Variants in ADAMTS6 observed in about 807,000 individuals in gnomAD.
ADAMTS6 encodes the protein ADAM metallopeptidase with thrombospondin type 1 motif 6.
A neutral mutation model predicts 144.3 loss-of-function variants in ADAMTS6; 23 were observed. That is an observed-to-expected ratio of 0.16 (90% CI 0.11 to 0.23). ADAMTS6 has a LOEUF of 0.23. ADAMTS6 is among the 10% of genes least tolerant of loss of function. The pLI, the probability that ADAMTS6 is intolerant of heterozygous loss-of-function variation, is 1.00. For missense variants in ADAMTS6, 999 were observed against 1,379.6 expected (o/e 0.72, Z 4.37); for synonymous variants, 444 against 457.5 (o/e 0.97, Z 0.38).
chr5:65,224,257 A>T, intron 18 of ADAMTS6, 63 bp downstream of exon 18: 1 of 1,343,786 alleles, frequency 7.4e-7, no homozygotes, highest in Non-Finnish European at 1.1e-6. Context: ...CCTTCATGAT[A>T]CTGTGCTACT....
chr5:65,246,456 G>C (rs540308246), intron 14 of ADAMTS6, among the ~76,000 whole-genome samples: 2 of 152,260 alleles, frequency 1.3e-5, no homozygotes, highest in East Asian at 3.9e-4. Context: ...TTCTGCTTTC[G>C]TGGAGTTTAC....
chr5:65,372,878 G>A lies in ADAMTS6; in HGVS notation c.1074-38793C>T, dbSNP rs951060790. Reference sequence around the variant, plus strand: ...GGAAGTAAAGCTCTCCTCAGCAAATGTAAAAGAACAGAAATTATAACAAAC... The same window carrying A: ...GGAAGTAAAGCTCTCCTCAGCAAATATAAAAGAACAGAAATTATAACAAAC... On this transcript the variant is annotated intron_variant, in intron 7 of 24. Transcript: ENST00000381055. 6.9e-4 allele frequency among the ~76,000 whole-genome samples: 105 copies of A among 152,044 alleles called. 1 individual carries two copies. Among genetic ancestry groups the A allele is most frequent in the Admixed American group, 3.1e-3 (47 of 15,264 alleles).
At chr5:65,454,753 A>G (rs1205248125) in intron 4 of ADAMTS6, among the ~76,000 whole-genome samples, 1 of 152,172 alleles carries the variant, frequency 6.6e-6, no homozygotes, top group Non-Finnish European at 1.5e-5. Context: ...ATCTGAAGAC[A>G]ATCATCCAAA....
intron 9 of ADAMTS6, among the ~76,000 whole-genome samples, chr5:65,314,233 T>G (rs1360770649): frequency 6.6e-6 from 1 of 152,114 alleles, no homozygotes; most frequent in African/African-American, 2.4e-5. Context: ...CTGAACATGC[T>G]AAGGACTGAA....
chr5:65,229,854 T>C (rs1758011158), intron 15 of ADAMTS6, among the ~76,000 whole-genome samples: 1 of 152,030 alleles, frequency 6.6e-6, no homozygotes, highest in African/African-American at 2.4e-5. Context: ...AAAGAAATAA[T>C]GGCTGAAAAA....
intron 9 of ADAMTS6, among the ~76,000 whole-genome samples, chr5:65,309,974 C>T (rs1744329981): frequency 6.6e-6 from 1 of 151,928 alleles, no homozygotes; most frequent in South Asian, 2.1e-4. Context: ...AAATTGTAAT[C>T]CCCAGTGTTG....
At chr5:65,434,410 T>C (rs948178402) in intron 7 of ADAMTS6, among the ~76,000 whole-genome samples, 6 of 152,208 alleles carry the variant, frequency 3.9e-5, no homozygotes, top group Admixed American at 1.3e-4. Context: ...CTGTGAATTA[T>C]ACAATTCACT....
intron 3 of ADAMTS6, among the ~76,000 whole-genome samples, chr5:65,469,846 GT>G (rs1374319045): frequency 2.0e-5 from 3 of 152,096 alleles, no homozygotes; most frequent in African/African-American, 7.2e-5. Flanking sequence ...AAAAGAAAAA[GT>G]TTCTGAAAAT....
intron 7 of ADAMTS6, among the ~76,000 whole-genome samples, chr5:65,435,486 T>C (rs1757317330): frequency 6.6e-6 from 1 of 152,180 alleles, no homozygotes. Flanking sequence ...TACTTAATAA[T>C]ACTATAAGAA....
At chr5:65,186,346 T>C (rs1332920660) in intron 22 of ADAMTS6, among the ~76,000 whole-genome samples, 1 of 152,226 alleles carries the variant, frequency 6.6e-6, no homozygotes, top group African/African-American at 2.4e-5. Flanking sequence ...CACTGCCTTA[T>C]ATGTATTATT....
chr5:65,248,845 AAAAT>A (rs1485328989), intron 14 of ADAMTS6, among the ~76,000 whole-genome samples: 5 of 152,180 alleles, frequency 3.3e-5, no homozygotes, highest in Non-Finnish European at 5.9e-5. Flanking sequence ...TTTAAAGCAC[AAAAT>A]AAACAAACAA....
At chr5:65,316,827 A>G (rs1335146011) in intron 9 of ADAMTS6, among the ~76,000 whole-genome samples, 1 of 151,582 alleles carries the variant, frequency 6.6e-6, no homozygotes, top group Non-Finnish European at 1.5e-5. Context: ...TTTGAGACGG[A>G]GTCTTGCTCT....
chr5:65,284,870 G>A (rs1346877204), intron 11 of ADAMTS6, among the ~76,000 whole-genome samples: 2 of 151,934 alleles, frequency 1.3e-5, no homozygotes, highest in Admixed American at 1.3e-4. Flanking sequence ...CAAAATTATG[G>A]AGCCCACACA....
chr5:65,373,012 G>C (rs899338992), intron 7 of ADAMTS6, among the ~76,000 whole-genome samples: 1 of 152,202 alleles, frequency 6.6e-6, no homozygotes, highest in Non-Finnish European at 1.5e-5. Context: ...TGACTACTGG[G>C]TACGTAACAA....
At chr5:65,409,671 A>G (rs1303462438) in intron 7 of ADAMTS6, among the ~76,000 whole-genome samples, 1 of 152,226 alleles carries the variant, frequency 6.6e-6, no homozygotes, top group African/African-American at 2.4e-5. Context: ...TCCTGATACC[A>G]AAGCCTAGCA....
At chr5:65,356,456 T>A (rs1189545901) in intron 7 of ADAMTS6, among the ~76,000 whole-genome samples, 1 of 151,826 alleles carries the variant, frequency 6.6e-6, no homozygotes, top group Non-Finnish European at 1.5e-5. Context: ...ATTCTTTCCC[T>A]CTTGTTTATC....
chr5:65,436,906 C>T (rs189559776), intron 7 of ADAMTS6, among the ~76,000 whole-genome samples: 25 of 151,516 alleles, frequency 1.6e-4, no homozygotes, highest in Admixed American at 9.2e-4. Context: ...TCTTTATTAA[C>T]GAGGTGTATT....
intron 3 of ADAMTS6, among the ~76,000 whole-genome samples, chr5:65,462,808 G>A (rs1294597250): frequency 8.5e-5 from 13 of 152,116 alleles, no homozygotes; most frequent in African/African-American, 3.1e-4. Flanking sequence ...TTAGGTTGGC[G>A]TGGTGGGTCA....
At chr5:65,361,554 A>T (rs139621370) in intron 7 of ADAMTS6, among the ~76,000 whole-genome samples, 2 of 152,270 alleles carry the variant, frequency 1.3e-5, no homozygotes, top group African/African-American at 4.8e-5. Context: ...GATGTGGAAA[A>T]AAAGTCCATG....
Sources: gnomAD v4.1 joint callset for allele counts (sites outside exome capture counted in the v4.1 genomes callset) on GRCh38, gnomAD v4.1.1 for gene constraint, MANE v1.5 for transcripts, NCBI Gene and HGNC (gene_info 2026-07-23, HGNC 2026-07-21) for gene names.